Variants in USP2 observed in about 807,000 individuals in gnomAD.
USP2 encodes the protein ubiquitin carboxyl-terminal hydrolase 2.
A neutral mutation model predicts 72.0 loss-of-function variants in USP2; 33 were observed. That is an observed-to-expected ratio of 0.46 (90% CI 0.35 to 0.61). The LOEUF is 0.61. USP2 is among the 20% of genes least tolerant of loss of function. The probability of loss-of-function intolerance (pLI) is 0.01; values close to 1 mark genes in which losing one functional copy is unlikely to be tolerated. For missense variants in USP2, 691 were observed against 797.8 expected, an observed-to-expected ratio of 0.87 and a Z score of 1.61; for synonymous variants, 296 against 312.5, an observed-to-expected ratio of 0.95 and a Z score of 0.56.
intron 2 of USP2, among the ~76,000 whole-genome samples, chr11:119,367,118 G>A (rs1950864195): frequency 6.6e-6 from 1 of 152,196 alleles, no homozygotes; most frequent in Non-Finnish European, 1.5e-5. Flanking sequence ...CTCGGAGTGG[G>A]ATGGATACAA....
In USP2 at chr11:119,357,786, A is replaced by T; in HGVS notation, c.1472T>A (p.Ile491Asn). The T allele has an allele frequency of 6.2e-7, 1 of 1,614,022 alleles. No individual in the cohort carries two copies. Among genetic ancestry groups the T allele is most frequent in the Non-Finnish European group, 8.5e-7 (1 of 1,180,034 alleles). ...GRKRCIKKFS[I>N]QRFPKILVLH... ...CACCAAGATCTTTGGGAACCTCTGG[A>T]TGGAGAACTTCTTTATACACCGTTT... Residue 491 changes from isoleucine to asparagine, a missense_variant, in exon 10 of 13, where the codon ATC becomes AAC. By Grantham distance (149) the Ile-to-Asn change is moderately radical. Coordinates refer to ENST00000260187, the MANE Select transcript of USP2 (RefSeq NM_004205.5).
At position 119,381,573 on chromosome 11, in the gene USP2, C is replaced by G. The variant is rs1360535315; in HGVS notation, c.-142G>C. On this transcript the variant is annotated 5_prime_UTR_variant, in exon 1 of 13. Transcript: ENST00000260187. ...GCGCGGCGCAGTGAGCACCAGCTGACGAAGAGGGCTCCCCGGCCTCGGCTC... is the reference window on the plus strand; with the variant it reads ...GCGCGGCGCAGTGAGCACCAGCTGAGGAAGAGGGCTCCCCGGCCTCGGCTC... The G allele has an allele frequency of 2.0e-6, 3 of 1,533,572 alleles. No homozygotes were observed. Among genetic ancestry groups the G allele is most frequent in the African/African-American group, 1.4e-5 (1 of 72,992 alleles). The allele number at this position is 1,533,572 out of a possible 1,614,324, so 95.0% of individuals were successfully genotyped here.
rs772500753 is a variant in USP2 at position 119,358,205 on chromosome 11, C to T, written c.1285G>A (p.Gly429Ser). ...LKSSLTCTDC[G>S]YCSTVFDPFW... ...GGGTCGAAGACCGTAGAACAGTAAC[C>T]ACAATCTGTACACGTCAGCGAGCTC... Residue 429 changes from glycine (G) to serine (S), a missense_variant, in exon 8 of 13, where the codon GGT becomes AGT. Physicochemically the swap from Gly to Ser is moderately conservative, Grantham distance 56. Coordinates refer to ENST00000260187, the MANE Select transcript of USP2 (RefSeq NM_004205.5). 6.2e-7 allele frequency: 1 copy of T among 1,613,928 alleles called. No individual in the cohort carries two copies. Among genetic ancestry groups the T allele is most frequent in the East Asian group, 2.2e-5 (1 of 44,876 alleles).
At chr11:119,367,771 A>T (rs1463506519) in intron 2 of USP2, among the ~76,000 whole-genome samples, 2 of 152,154 alleles carry the variant, frequency 1.3e-5, no homozygotes, top group Non-Finnish European at 2.9e-5. Context: ...CGCTAGTTTT[A>T]TGTACGTATT....
intron 1 of USP2, among the ~76,000 whole-genome samples, chr11:119,375,872 A>T (rs1950994068): frequency 6.6e-6 from 1 of 152,204 alleles, no homozygotes; most frequent in Non-Finnish European, 1.5e-5. Context: ...TCCAGAGGAC[A>T]GGGACAGACA....
chr11:119,359,258 C>T lies in USP2; in HGVS notation c.1034G>A (p.Arg345Lys). The T allele has an allele frequency of 6.2e-7, 1 of 1,614,022 alleles. No homozygotes were observed. The highest frequency in any genetic ancestry group is 8.5e-7 in the Non-Finnish European group (1 of 1,180,012). The change falls in exon 5 of 13, where the codon AGA becomes AAA. Residue 345 changes from arginine (R) to lysine (K), a missense_variant. Physicochemically the swap from Arg to Lys is conservative, Grantham distance 26. Coordinates refer to ENST00000260187, the MANE Select transcript of USP2 (RefSeq NM_004205.5). ...SPSEFKTQIQ[R>K]YAPRFVGYNQ... is the part of the protein sequence containing the mutation. ...ATAGCCAACAAAGCGCGGTGCGTATCTCTGGATCTGGGTCTTGAACTCAGA... is the reference window on the plus strand; with the variant it reads ...ATAGCCAACAAAGCGCGGTGCGTATTTCTGGATCTGGGTCTTGAACTCAGA...
chr11:119,357,446 C>A, intron 11 of USP2, 37 bp downstream of exon 11: 1 of 1,613,646 alleles, frequency 6.2e-7, no homozygotes. Flanking sequence ...TGCACACCTG[C>A]GTCTTCATTC....
At position 119,373,287 on chromosome 11, in the gene USP2, G is replaced by A. The variant is rs139944295; in HGVS notation, c.194C>T (p.Thr65Ile). The change falls in exon 2 of 13, where the codon ACC becomes ATC. Residue 65 changes from threonine (T) to isoleucine (I), a missense_variant. Thr to Ile is a moderately conservative substitution (Grantham distance 89, BLOSUM62 -1). Transcript: ENST00000260187. Reference sequence around the variant, plus strand: ...GTCCAGGAGGGAGGAGGGGCCATAGGTACGGGGACGGGTGAGGAAGCTGCT... The same window carrying A: ...GTCCAGGAGGGAGGAGGGGCCATAGATACGGGGACGGGTGAGGAAGCTGCT... ...PTSSFLTRPR[T>I]YGPSSLLDYD... The A allele has an allele frequency of 6.2e-7, 1 of 1,613,916 alleles. No individual in the cohort carries two copies. The highest frequency in any genetic ancestry group is 8.5e-7 in the Non-Finnish European group (1 of 1,179,894).
intron 2 of USP2, among the ~76,000 whole-genome samples, chr11:119,366,436 T>A (rs2135399384): frequency 6.6e-6 from 1 of 152,364 alleles, no homozygotes; most frequent in South Asian, 2.1e-4. Context: ...AAACTCTCCA[T>A]TACTGCATAT....
Position 119,373,202 on chromosome 11 carries a change from C to T in USP2, c.279G>A (p.Glu93=), listed in dbSNP as rs79464246. ...PDITGGGKRA[E]SQTRGTERPL... ...GCCGCTCAGTACCCCGGGTCTGGCT[C>T]TCTGCCCGCTTACCACCCCCAGTGA... Residue 93 remains glutamate, a synonymous_variant, in exon 2 of 13, where the codon GAG becomes GAA. Transcript: ENST00000260187. 1.4e-3 allele frequency: 2,231 copies of T among 1,614,008 alleles called. 26 individuals are homozygous for T. The African/African-American group carries it at 0.027, about 19-fold the overall frequency.
At chr11:119,379,227 G>A in intron 1 of USP2, 1 of 985,524 alleles carries the variant, frequency 1.0e-6, no homozygotes, top group Non-Finnish European at 1.2e-6. Flanking sequence ...AATTAAAGGG[G>A]CAGTGGCGTG....
intron 1 of USP2, among the ~76,000 whole-genome samples, chr11:119,375,429 C>T (rs983892454): frequency 6.6e-6 from 1 of 152,184 alleles, no homozygotes; most frequent in Non-Finnish European, 1.5e-5. Flanking sequence ...GCCACCTGGC[C>T]CAGGGGGCCC....
chr11:119,364,135 G>C lies in USP2; in HGVS notation c.775-3901C>G, dbSNP rs896248907. The C allele has an allele frequency of 5.7e-6, 7 of 1,218,764 alleles. No individual in the cohort carries two copies. In the African/African-American group the frequency reaches 9.4e-5, roughly 16 times the overall value. 75.5% of individuals were successfully genotyped at this position (1,218,764 alleles called of 1,614,324 possible). A position where few individuals can be genotyped will look rare whatever the true frequency, so the allele number is the denominator to read the frequency against. On this transcript the variant is annotated intron_variant, in intron 2 of 12. Coordinates refer to ENST00000260187, the MANE Select transcript of USP2 (RefSeq NM_004205.5). ...GACAGCGTCCGCGGCGCCCGAACGC[G>C]CGCTCCTCCGCCTCAACCTCCCCGG...
chr11:119,357,075 C>G, intron 12 of USP2, 112 bp downstream of exon 12: 1 of 1,118,480 alleles, frequency 8.9e-7, no homozygotes, highest in Non-Finnish European at 1.2e-6. Flanking sequence ...CATCCATTCT[C>G]GGTGTAAGCC....
chr11:119,356,724 T>G lies in USP2; in HGVS notation c.*111A>C. 1.7e-6 allele frequency: 2 copies of G among 1,174,016 alleles called. No homozygotes were observed. Among genetic ancestry groups the G allele is most frequent in the Non-Finnish European group, 2.4e-6 (2 of 846,294 alleles). 72.7% of individuals were successfully genotyped at this position (1,174,016 alleles called of 1,614,324 possible). A position where few individuals can be genotyped will look rare whatever the true frequency, so the allele number is the denominator to read the frequency against. Reference sequence around the variant, plus strand: ...TCCTGCTCGGCAGCTTCAGGTTTGTTTTTCTCTTGTCAGGTTTGTGTGTTG... The same window carrying G: ...TCCTGCTCGGCAGCTTCAGGTTTGTGTTTCTCTTGTCAGGTTTGTGTGTTG... On this transcript the variant is annotated 3_prime_UTR_variant, in exon 13 of 13. Coordinates refer to ENST00000260187, the MANE Select transcript of USP2 (RefSeq NM_004205.5).
chr11:119,365,924 T>C (rs1401696078), intron 2 of USP2, among the ~76,000 whole-genome samples: 1 of 151,674 alleles, frequency 6.6e-6, no homozygotes, highest in Non-Finnish European at 1.5e-5. Flanking sequence ...AGACGGAGGC[T>C]TGCTCTGTCG....
intron 2 of USP2, among the ~76,000 whole-genome samples, chr11:119,364,958 T>C (rs1223417761): frequency 1.3e-5 from 2 of 152,062 alleles, no homozygotes; most frequent in Non-Finnish European, 2.9e-5. Flanking sequence ...AGCAATACAA[T>C]AGTGGGGAAA....
chr11:119,365,680 C>G (rs1233935862), intron 2 of USP2, among the ~76,000 whole-genome samples: 1 of 152,174 alleles, frequency 6.6e-6, no homozygotes, highest in African/African-American at 2.4e-5. Flanking sequence ...CCTCAGGTAG[C>G]CTTTCTCTAA....
At chr11:119,362,513 A>C (rs1157598212) in intron 2 of USP2, among the ~76,000 whole-genome samples, 1 of 151,756 alleles carries the variant, frequency 6.6e-6, no homozygotes, top group African/African-American at 2.4e-5. Flanking sequence ...GGTGGATAAC[A>C]GGAGTGGGGG....
Sources: gnomAD v4.1 joint callset for allele counts (sites outside exome capture counted in the v4.1 genomes callset) on GRCh38, gnomAD v4.1.1 for gene constraint, MANE v1.5 for transcripts, NCBI Gene and HGNC (gene_info 2026-07-23, HGNC 2026-07-21) for gene names.